Variants in TAF4B observed in about 807,000 individuals in gnomAD.
TAF4B encodes transcription initiation factor TFIID subunit 4B.
Under a neutral mutation model 86.4 loss-of-function variants are expected in TAF4B, and 38 were observed. The ratio of observed to expected loss-of-function variants is 0.44; its 90% CI spans 0.34 to 0.58. The LOEUF is 0.58. TAF4B is among the 20% of genes least tolerant of loss of function. The pLI is 0.02. For missense variants in TAF4B, 988 were observed against 1,027.6 expected (o/e 0.96, Z 0.53); for synonymous variants, 388 against 391.2 (o/e 0.99, Z 0.10).
intron 13 of TAF4B, among the ~76,000 whole-genome samples, chr18:26,340,769 A>G (rs1179364931): frequency 6.6e-6 from 1 of 152,040 alleles, no homozygotes. Flanking sequence ...GGGGGCTTTA[A>G]AAGTCATCAC....
chr18:26,353,331 AAT>A (rs1190803373), intron 13 of TAF4B, among the ~76,000 whole-genome samples: 1 of 152,258 alleles, frequency 6.6e-6, no homozygotes, highest in Non-Finnish European at 1.5e-5. Flanking sequence ...ATCATATATT[AAT>A]AGTCTAAGAA....
chr18:26,390,052 C>A lies in TAF4B; in HGVS notation c.*40C>A. 1 of 1,579,902 alleles carries A rather than the reference C, an allele frequency of 6.3e-7. No individual in the cohort carries two copies. The highest frequency in any genetic ancestry group is 1.2e-5 in the South Asian group (1 of 85,626). On this transcript the variant is annotated 3_prime_UTR_variant, in exon 15 of 15. Transcript: ENST00000269142. ...CATCCAGATCCTTGCTATTTACTGC[C>A]AAAGAAGACACAAAGCATTGTTGCA... is the stretch of plus-strand genomic sequence containing the variant.
At chr18:26,285,691 G>T (rs561563659) in intron 6 of TAF4B, among the ~76,000 whole-genome samples, 191 bp from the exon 7 acceptor site, 1 of 152,272 alleles carries the variant, frequency 6.6e-6, no homozygotes, top group East Asian at 1.9e-4. Flanking sequence ...TGGAAAACAG[G>T]CACTTGGGCT....
chr18:26,326,976 G>A, intron 11 of TAF4B, 39 bp from the exon 12 acceptor site: 2 of 1,597,796 alleles, frequency 1.3e-6, no homozygotes, highest in Non-Finnish European at 1.7e-6. Context: ...GTGTGGCCCA[G>A]GATCATTATA....
chr18:26,350,147 A>G (rs1356866945), intron 13 of TAF4B, among the ~76,000 whole-genome samples: 1 of 152,224 alleles, frequency 6.6e-6, no homozygotes, highest in Non-Finnish European at 1.5e-5. Flanking sequence ...ACTTTATGTC[A>G]GGAAAATATT....
In TAF4B at chr18:26,390,078, C is replaced by G; in HGVS notation, c.*66C>G. ...AAAGAAGACACAAAGCATTGTTGCA[C>G]TGTCCTGAAATTTCAATTTCTGGAA... On this transcript the variant is annotated 3_prime_UTR_variant, in exon 15 of 15. Transcript: ENST00000269142. 1.3e-6 allele frequency: 2 copies of G among 1,500,304 alleles called. No homozygotes were observed. Among genetic ancestry groups the G allele is most frequent in the Non-Finnish European group, 1.8e-6 (2 of 1,110,262 alleles). The allele number at this position is 1,500,304 out of a possible 1,614,324, so 92.9% of individuals were successfully genotyped here.
intron 13 of TAF4B, among the ~76,000 whole-genome samples, chr18:26,346,763 A>ATATATATATATATATATC (rs2057185086): frequency 3.6e-5 from 1 of 27,756 alleles, no homozygotes; most frequent in African/African-American, 8.9e-5. Flanking sequence ...ATGTGTGTAT[A>ATATATATATATATATATC]TATATATATA....
chr18:26,285,222 G>GT (rs776976703), intron 6 of TAF4B, among the ~76,000 whole-genome samples: 33 of 45,686 alleles, frequency 7.2e-4, no homozygotes, highest in African/African-American at 1.3e-3. Context: ...TTTTTTTTTT[G>GT]TTTTTTTTTT....
At chr18:26,302,027 C>G (rs987210302) in intron 9 of TAF4B, among the ~76,000 whole-genome samples, 1 of 152,184 alleles carries the variant, frequency 6.6e-6, no homozygotes, top group Non-Finnish European at 1.5e-5. Flanking sequence ...CGGCAGCTCT[C>G]TGATGCCTTC....
At chr18:26,309,788 G>A (rs977202262) in intron 9 of TAF4B, among the ~76,000 whole-genome samples, 2 of 152,014 alleles carry the variant, frequency 1.3e-5, no homozygotes, top group Non-Finnish European at 1.5e-5. Flanking sequence ...ATGAATAGAC[G>A]TGGGAAGAAA....
chr18:26,300,875 C>CT (rs1302351667), intron 9 of TAF4B, among the ~76,000 whole-genome samples: 2 of 125,602 alleles, frequency 1.6e-5, no homozygotes, highest in Non-Finnish European at 3.6e-5. Context: ...TTTCCTTTTG[C>CT]TTGTTTTTTC....
intron 13 of TAF4B, among the ~76,000 whole-genome samples, chr18:26,351,073 A>AT (rs2057241243): frequency 6.6e-6 from 1 of 152,252 alleles, no homozygotes; most frequent in South Asian, 2.1e-4. Context: ...TGTTCATTTC[A>AT]GCACTATACA....
intron 13 of TAF4B, among the ~76,000 whole-genome samples, chr18:26,341,594 A>T (rs1320951499): frequency 1.3e-5 from 2 of 152,188 alleles, no homozygotes; most frequent in Non-Finnish European, 2.9e-5. Flanking sequence ...GGGATGGATG[A>T]GTAGGGTTGA....
At chr18:26,312,924 G>C (rs1318417156) in intron 9 of TAF4B, among the ~76,000 whole-genome samples, 1 of 151,968 alleles carries the variant, frequency 6.6e-6, no homozygotes, top group Admixed American at 6.6e-5. Context: ...ATTTTGATTG[G>C]GCAATCCATA....
intron 6 of TAF4B, among the ~76,000 whole-genome samples, chr18:26,285,093 C>G (rs1036788257): frequency 6.6e-6 from 1 of 151,160 alleles, no homozygotes; most frequent in Non-Finnish European, 1.5e-5. Flanking sequence ...TCAGCCCCTG[C>G]GGTAGCTGGG....
chr18:26,353,740 T>G (rs1347095387), intron 13 of TAF4B, among the ~76,000 whole-genome samples: 1 of 152,244 alleles, frequency 6.6e-6, no homozygotes, highest in African/African-American at 2.4e-5. Context: ...GTTTAAGTCC[T>G]TATCAGTACA....
chr18:26,330,904 C>T (rs1318471347), intron 12 of TAF4B, among the ~76,000 whole-genome samples: 1 of 152,194 alleles, frequency 6.6e-6, no homozygotes, highest in Non-Finnish European at 1.5e-5. Flanking sequence ...TCTGCTACTA[C>T]TAATATCCCC....
At chr18:26,264,229 A>G (rs913346505) in intron 1 of TAF4B, among the ~76,000 whole-genome samples, 15 of 152,214 alleles carry the variant, frequency 9.9e-5, no homozygotes, top group African/African-American at 3.1e-4. Flanking sequence ...ACCTGGGATC[A>G]GGGATTTGAG....
chr18:26,226,663 G>T lies in TAF4B; in HGVS notation c.-271G>T, dbSNP rs1007449529. Reference sequence around the variant, plus strand: ...GAGGCGCAGGGCTGAGGCAGCGCACGTGTGAGCGCCGCTGAGGAAGCTGCG... The same window carrying T: ...GAGGCGCAGGGCTGAGGCAGCGCACTTGTGAGCGCCGCTGAGGAAGCTGCG... On this transcript the variant is annotated 5_prime_UTR_variant, in exon 1 of 15. Coordinates refer to ENST00000269142, the MANE Select transcript of TAF4B (RefSeq NM_005640.3). 5.8e-6 allele frequency: 2 copies of T among 342,756 alleles called. No individual in the cohort carries two copies. Among genetic ancestry groups the T allele is most frequent in the Non-Finnish European group, 1.0e-5 (2 of 191,526 alleles). 21.2% of individuals were successfully genotyped at this position (342,756 alleles called of 1,614,324 possible). A position where few individuals can be genotyped will look rare whatever the true frequency, so the allele number is the denominator to read the frequency against.
Sources: gnomAD v4.1 joint callset for allele counts (sites outside exome capture counted in the v4.1 genomes callset) on GRCh38, gnomAD v4.1.1 for gene constraint, MANE v1.5 for transcripts, NCBI Gene and HGNC (gene_info 2026-07-23, HGNC 2026-07-21) for gene names.